HDX: variants seen among roughly 807,000 people sequenced by gnomAD.
HDX encodes the protein highly divergent homeobox, also known as chromosome X open reading frame 43.
In HDX, 19 loss-of-function variants were observed where a neutral mutation model predicts 45.2. The ratio of observed to expected loss-of-function variants is 0.42; its 90% CI spans 0.29 to 0.62. HDX has a LOEUF of 0.62. Among genes scored for constraint, HDX ranks in the 20% least tolerant of loss-of-function variants. The pLI is 0.20. For missense variants in HDX, 532 were observed against 493.9 expected (o/e 1.08, Z -0.73); for synonymous variants, 188 against 172.8 (o/e 1.09, Z -0.69).
At chrX:84,385,417 T>G (rs1051932889) in intron 5 of HDX, among the ~76,000 whole-genome samples, 9 of 106,249 alleles carry the variant, frequency 8.5e-5, no homozygotes, top group Admixed American at 4.0e-4. Context: ...GTTTCACCGT[T>G]TTAGCCAGGA....
intron 5 of HDX, among the ~76,000 whole-genome samples, chrX:84,366,322 G>T (rs996083150): frequency 9.0e-6 from 1 of 111,509 alleles, no homozygotes; most frequent in African/African-American, 3.3e-5. Context: ...CACTGCTCAA[G>T]GAAACAAGAG....
intron 4 of HDX, among the ~76,000 whole-genome samples, chrX:84,456,467 A>G (rs1171472549): frequency 6.3e-5 from 7 of 111,443 alleles, no homozygotes; most frequent in Non-Finnish European, 1.3e-4. Context: ...GAAAGGAGAA[A>G]AGAAAGAGAA....
At chrX:84,367,087 T>G (rs1341273847) in intron 5 of HDX, among the ~76,000 whole-genome samples, 3 of 111,962 alleles carry the variant, frequency 2.7e-5, no homozygotes, top group African/African-American at 9.7e-5. Flanking sequence ...AGAACATTTT[T>G]GCAATCTGCC....
At chrX:84,374,358 C>A (rs1016573400) in intron 5 of HDX, among the ~76,000 whole-genome samples, 1 of 109,241 alleles carries the variant, frequency 9.2e-6, no homozygotes, top group African/African-American at 3.4e-5. Flanking sequence ...AGATTCAATG[C>A]CATCCCCATC....
intron 5 of HDX, among the ~76,000 whole-genome samples, chrX:84,393,106 C>G (rs1465558978): frequency 9.0e-6 from 1 of 111,398 alleles, no homozygotes; most frequent in Non-Finnish European, 1.9e-5. Context: ...TGTTCCAGTT[C>G]TTAAAGAATT....
At chrX:84,469,607 A>G in intron 3 of HDX, 32 bp from the exon 4 acceptor site, 2 of 1,112,209 alleles carry the variant, frequency 1.8e-6, no homozygotes, top group Non-Finnish European at 2.4e-6. Flanking sequence ...TTATGAAAAA[A>G]AAATTAAAAA....
intron 4 of HDX, among the ~76,000 whole-genome samples, chrX:84,457,126 A>AC (rs1422388629): frequency 8.9e-6 from 1 of 111,911 alleles, no homozygotes; most frequent in African/African-American, 3.2e-5. Flanking sequence ...ATGTTAGGCC[A>AC]CAAAATCTTC....
chrX:84,406,501 TACAC>T (rs200949656), intron 5 of HDX, among the ~76,000 whole-genome samples: 36 of 67,942 alleles, frequency 5.3e-4, no homozygotes, highest in East Asian at 2.5e-3. Flanking sequence ...CACACACACA[TACAC>T]ACACACACAC....
At chrX:84,376,554 A>C (rs773829569) in intron 5 of HDX, among the ~76,000 whole-genome samples, 55 of 110,907 alleles carry the variant, frequency 5.0e-4, no homozygotes, top group Non-Finnish European at 9.4e-4. Context: ...CCATAAACTG[A>C]CTTAACAGCG....
At chrX:84,348,955 A>G (rs1234101966) in intron 6 of HDX, among the ~76,000 whole-genome samples, 1 of 111,447 alleles carries the variant, frequency 9.0e-6, no homozygotes, top group African/African-American at 3.3e-5. Flanking sequence ...AGCATGAGGG[A>G]GTTTTTCTCC....
rs186774294 is a variant in HDX, at chrX:84,405,662, A to G, written c.1305+34870T>C. Among the ~76,000 whole-genome samples, 798 of 89,167 alleles carry G rather than the reference A, an allele frequency of 8.9e-3. 25 individuals carry two copies. Among genetic ancestry groups the G allele is most frequent in the East Asian group, 0.083 (204 of 2,463 alleles). The allele number at this position is 89,167 out of a possible 115,157, so 77.4% of individuals were successfully genotyped here. On this transcript the variant is annotated intron_variant, in intron 5 of 10. Transcript: ENST00000373177. ...CCTCACAAGCTATATATATATATAT[A>G]TATGTGTGTGTGTGTGTGTGTGTGT...
chrX:84,369,337 TG>T (rs1359197126), intron 5 of HDX, among the ~76,000 whole-genome samples: 1 of 112,125 alleles, frequency 8.9e-6, no homozygotes, highest in African/African-American at 3.2e-5. Context: ...ATATTTAGAT[TG>T]TTTCCATGTT....
intron 5 of HDX, among the ~76,000 whole-genome samples, chrX:84,362,868 G>A (rs1368593264): frequency 4.5e-5 from 5 of 111,771 alleles, no homozygotes; most frequent in Non-Finnish European, 5.6e-5. Flanking sequence ...TAAAACTGAT[G>A]TAATACTAAA....
intron 5 of HDX, among the ~76,000 whole-genome samples, chrX:84,435,485 C>T (rs1482960921): frequency 1.0e-4 from 11 of 109,974 alleles, no homozygotes; most frequent in East Asian, 2.9e-4. Context: ...GAGTAGGTTG[C>T]GAAAATTTTC....
intron 4 of HDX, among the ~76,000 whole-genome samples, chrX:84,444,525 G>A (rs1182254372): frequency 9.0e-6 from 1 of 110,844 alleles, no homozygotes; most frequent in Non-Finnish European, 1.9e-5. Flanking sequence ...TAAGATAGAA[G>A]AGAACTAAAT....
chrX:84,463,511 G>A (rs2040282796), intron 4 of HDX, among the ~76,000 whole-genome samples: 1 of 111,312 alleles, frequency 9.0e-6, no homozygotes, highest in African/African-American at 3.3e-5. Context: ...GTTCACCAAA[G>A]TGCTTTACTT....
intron 2 of HDX, among the ~76,000 whole-genome samples, chrX:84,482,656 T>G (rs776202916): frequency 9.0e-6 from 1 of 111,372 alleles, no homozygotes; most frequent in African/African-American, 3.3e-5. Flanking sequence ...GAGATTTTGG[T>G]GGGGACACAG....
chrX:84,500,404 C>A (rs867002684), intron 1 of HDX: 1 of 109,834 alleles, frequency 9.1e-6, no homozygotes, highest in Non-Finnish European at 1.9e-5. Flanking sequence ...TGGTCCCAAC[C>A]CTTAAGGAAG....
At position 84,405,364 on chromosome X, in the gene HDX, A is replaced by T. The variant is rs776658811; in HGVS notation, c.1305+35168T>A. Among the ~76,000 whole-genome samples, 45 of 110,683 alleles carry T rather than the reference A, an allele frequency of 4.1e-4. 1 individual carries two copies. Among genetic ancestry groups the T allele is most frequent in the Admixed American group, 1.4e-3 (14 of 10,257 alleles). ...GTTTTAATATTTTAAATGTGTGTAT[A>T]TACTAGTTAATAACTATTTTAAAAG... On this transcript the variant is annotated intron_variant, in intron 5 of 10. Transcript: ENST00000373177.
Sources: gnomAD v4.1 joint callset for allele counts (sites outside exome capture counted in the v4.1 genomes callset) on GRCh38, gnomAD v4.1.1 for gene constraint, MANE v1.5 for transcripts, NCBI Gene and HGNC (gene_info 2026-07-23, HGNC 2026-07-21) for gene names.